The following RNF6 variants were observed in gnomAD, a reference collection of about 807,000 sequenced individuals.
The protein encoded by RNF6 is ring finger protein 6, also known as E3 ubiquitin-protein ligase RNF6.
RNF6 carries 21 observed loss-of-function variants against 50.1 expected under a neutral mutation model. That is an observed-to-expected ratio of 0.42 (90% CI 0.30 to 0.60). The LOEUF (loss-of-function observed/expected upper bound fraction) is 0.60. RNF6 is among the 20% of genes least tolerant of loss of function. RNF6 has a pLI of 0.20. For missense variants in RNF6, 698 were observed against 838.2 expected (o/e 0.83, Z 2.07); for synonymous variants, 255 against 291.8 (o/e 0.87, Z 1.29).
chr13:26,209,729 G>A (rs1363752638), downstream of RNF6, among the ~76,000 whole-genome samples: 1 of 152,190 alleles, frequency 6.6e-6, no homozygotes. Flanking sequence ...CACAGAAGGT[G>A]GCTGGATTAG....
At position 26,214,383 on chromosome 13, in the gene RNF6, G is replaced by A; in HGVS notation, c.1499C>T (p.Ala500Val). ...GFGELSSLMEADSESELQRNG... is the reference protein window; with the variant it reads ...GFGELSSLMEVDSESELQRNG... ...TCTTTGAAGTTCTGACTCAGAATCG[G>A]CCTCCATTAGAGAACTCAGTTCTCC... The change falls in exon 5 of 5, where the codon GCC becomes GTC. Residue 500 changes from alanine to valine, a missense_variant. Transcript: ENST00000381588. The A allele has an allele frequency of 1.2e-6, 2 of 1,614,006 alleles. No homozygotes were observed. Among genetic ancestry groups the A allele is most frequent in the Non-Finnish European group, 1.7e-6 (2 of 1,180,034 alleles).
At chr13:26,134,433 G>A (rs1350153863) in intron 5 of RNF6, among the ~76,000 whole-genome samples, 2 of 152,068 alleles carry the variant, frequency 1.3e-5, no homozygotes, top group African/African-American at 4.8e-5. Flanking sequence ...TCCTTTCCTG[G>A]TCTTTTGACT....
At chr13:26,165,640 C>T (rs1241142488) in intron 5 of RNF6, among the ~76,000 whole-genome samples, 1 of 152,238 alleles carries the variant, frequency 6.6e-6, no homozygotes, top group Non-Finnish European at 1.5e-5. Context: ...TCAGCTTGAC[C>T]TGTATGTGAA....
chr13:26,188,810 A>C (rs900679803), intron 5 of RNF6, among the ~76,000 whole-genome samples: 8 of 151,356 alleles, frequency 5.3e-5, no homozygotes, highest in Non-Finnish European at 1.2e-4. Context: ...TTGTATTTTT[A>C]GTAGAGATGA....
intron 5 of RNF6, among the ~76,000 whole-genome samples, chr13:26,188,514 A>G: frequency 6.6e-6 from 1 of 151,882 alleles, no homozygotes; most frequent in Non-Finnish European, 1.5e-5. Context: ...GTCACTGCAT[A>G]AGCCAGAAGC....
intron 5 of RNF6, among the ~76,000 whole-genome samples, chr13:26,150,424 T>C (rs1345826803): frequency 6.6e-6 from 1 of 152,090 alleles, no homozygotes; most frequent in Non-Finnish European, 1.5e-5. Flanking sequence ...CCATAGCAGA[T>C]AGGGTCAGAG....
chr13:26,143,884 A>G (rs1254559116), intron 5 of RNF6, among the ~76,000 whole-genome samples: 1 of 152,190 alleles, frequency 6.6e-6, no homozygotes, highest in Non-Finnish European at 1.5e-5. Flanking sequence ...TGTATGGAAT[A>G]CTATGACAGT....
At chr13:26,179,109 G>A (rs1031378852) in intron 5 of RNF6, among the ~76,000 whole-genome samples, 26 of 152,182 alleles carry the variant, frequency 1.7e-4, no homozygotes, top group African/African-American at 5.8e-4. Flanking sequence ...GCCAGTTTCT[G>A]CTAAAGTTCC....
downstream of RNF6, among the ~76,000 whole-genome samples, chr13:26,212,477 TA>T (rs1400537048): frequency 1.3e-5 from 2 of 152,178 alleles, no homozygotes; most frequent in African/African-American, 4.8e-5. Context: ...GAGATATTTC[TA>T]AATCTCACAG....
At chr13:26,198,560 A>G (rs1299391889) in intron 5 of RNF6, among the ~76,000 whole-genome samples, 1 of 151,968 alleles carries the variant, frequency 6.6e-6, no homozygotes, top group Non-Finnish European at 1.5e-5. Flanking sequence ...TAATAGTGAA[A>G]GACTGAATGC....
intron 5 of RNF6, among the ~76,000 whole-genome samples, chr13:26,180,479 C>G (rs1277938248): frequency 6.6e-6 from 1 of 152,156 alleles, no homozygotes; most frequent in Admixed American, 6.5e-5. Flanking sequence ...AACATATAAC[C>G]CAGGGAACCA....
rs61591240 is a variant in RNF6 at position 26,157,882 on chromosome 13, AGATGGATGGATGGATGGATGGATGGATG to A, written n.769-25459_769-25432del. 9.9e-3 allele frequency among the ~76,000 whole-genome samples: 1,484 copies of A among 149,310 alleles called. 27 individuals carry two copies. The highest frequency in any genetic ancestry group is 0.035 in the African/African-American group (1,417 of 40,172). On this transcript the variant is annotated intron_variant and non_coding_transcript_variant, in intron 5 of 5. Coordinates refer to the RNF6 transcript ENST00000468480. ...TAAGAGATAGCATAAAGAGAAAAAG[AGATGGATGGATGGATGGATGGATGGATG>A]GATGGATGGATGGATAGATGGATAG...
chr13:26,188,623 C>CTTTT (rs1163881143), intron 5 of RNF6, among the ~76,000 whole-genome samples: 1,379 of 43,278 alleles, frequency 0.032, 349 homozygotes, highest in Non-Finnish European at 0.036. Flanking sequence ...GTCAAAAGAG[C>CTTTT]TTTTTTTTTT....
At chr13:26,196,463 C>T (rs545575108) in intron 5 of RNF6, among the ~76,000 whole-genome samples, 60 of 152,120 alleles carry the variant, frequency 3.9e-4, no homozygotes, top group Non-Finnish European at 6.9e-4. Context: ...CCAGCCTGGC[C>T]AACATGGTGA....
chr13:26,214,024 C>G lies in RNF6; in HGVS notation c.1858G>C (p.Glu620Gln). ...QIDNLSTRHYEHNSIDSELGK... is the reference protein window; with the variant it reads ...QIDNLSTRHYQHNSIDSELGK... Reference sequence around the variant, plus strand: ...AGTTCACTATCAATACTGTTATGCTCATAGTGCCTGGTGGAAAGATTGTCA... The same window carrying G: ...AGTTCACTATCAATACTGTTATGCTGATAGTGCCTGGTGGAAAGATTGTCA... The change falls in exon 5 of 5, where the codon GAG becomes CAG. Residue 620 changes from glutamate (E) to glutamine (Q), a missense_variant. Glu to Gln is a conservative substitution (Grantham distance 29). Transcript: ENST00000381588. 1 of 1,614,180 alleles carries G rather than the reference C, an allele frequency of 6.2e-7. No individual in the cohort carries two copies. Among genetic ancestry groups the G allele is most frequent in the Non-Finnish European group, 8.5e-7 (1 of 1,180,010 alleles).
chr13:26,181,161 T>C (rs1873217120), intron 5 of RNF6, among the ~76,000 whole-genome samples: 1 of 152,160 alleles, frequency 6.6e-6, no homozygotes, highest in Admixed American at 6.5e-5. Flanking sequence ...CTTGGTTCCA[T>C]TCCCCGCCCC....
In RNF6 at chr13:26,215,638, C is replaced by A. The variant is rs745827769; in HGVS notation, c.290-46G>T. On this transcript the variant is annotated intron_variant, in intron 4 of 4. Coordinates refer to ENST00000381588, the MANE Select transcript of RNF6 (RefSeq NM_005977.4). ...ACTTAAGATCAATTCCTAAGACACA[C>A]CTTACAGCTTTATTGAAAACTTGTA... 17 of 1,454,874 alleles carry A rather than the reference C, an allele frequency of 1.2e-5. No homozygotes were observed. The South Asian group carries it at 1.2e-4, about 10-fold the overall frequency. 90.1% of individuals were successfully genotyped at this position (1,454,874 alleles called of 1,614,324 possible).
chr13:26,164,435 G>A (rs1872351989), intron 5 of RNF6, among the ~76,000 whole-genome samples: 1 of 152,024 alleles, frequency 6.6e-6, no homozygotes, highest in Admixed American at 6.6e-5. Context: ...CTTTGATCAT[G>A]TGTCTCCATT....
chr13:26,214,454 T>C lies in RNF6; in HGVS notation c.1428A>G (p.Ser476=), dbSNP rs1212433148. 3 of 1,614,066 alleles carry C rather than the reference T, an allele frequency of 1.9e-6. No individual in the cohort carries two copies. Among genetic ancestry groups the C allele is most frequent in the Non-Finnish European group, 1.7e-6 (2 of 1,180,044 alleles). The change falls in exon 5 of 5, where the codon TCA becomes TCG. Residue 476 remains serine (S), a synonymous_variant. Coordinates refer to ENST00000381588, the MANE Select transcript of RNF6 (RefSeq NM_005977.4). Reference sequence around the variant, plus strand: ...TTAAAATTGACCGAAGAGCCACTGATGATGGCTCAACAAGCTCATTCTCAG... The same window carrying C: ...TTAAAATTGACCGAAGAGCCACTGACGATGGCTCAACAAGCTCATTCTCAG... ...RISENELVEP[S]SVALRSILRQ... is the part of the protein sequence containing the mutation.
Sources: allele counts gnomAD v4.1 joint callset (sites outside exome capture counted in the v4.1 genomes callset), GRCh38; gene constraint gnomAD v4.1.1; transcripts MANE v1.5; gene names NCBI Gene and HGNC (gene_info 2026-07-23, HGNC 2026-07-21).